Variants in PHF14 observed in about 807,000 individuals in gnomAD.
The protein encoded by PHF14 is PHD finger protein 14.
A neutral mutation model predicts 117.9 loss-of-function variants in PHF14; 55 were observed. The observed-to-expected ratio is 0.47, with a 90% CI of 0.38 to 0.58. The LOEUF (loss-of-function observed/expected upper bound fraction) is 0.58, where lower values mean the gene tolerates loss of function less well. Ranked by LOEUF, PHF14 falls within the 20% of genes least tolerant of loss-of-function variation. PHF14 has a pLI of 0.00. For synonymous variants in PHF14, 409 were observed against 368.6 expected, an observed-to-expected ratio of 1.11 and a Z score of -1.26; for missense variants, 978 against 1,122.2, an observed-to-expected ratio of 0.87 and a Z score of 1.84.
intron 16 of PHF14, among the ~76,000 whole-genome samples, chr7:11,068,055 G>A (rs1028086321): frequency 4.6e-5 from 7 of 152,060 alleles, no homozygotes; most frequent in Non-Finnish European, 1.5e-5. Context: ...GCCTTAAAAA[G>A]GAATGAAATT....
chr7:10,992,393 T>C (rs928241964), intron 4 of PHF14, among the ~76,000 whole-genome samples: 2 of 149,442 alleles, frequency 1.3e-5, no homozygotes, highest in African/African-American at 4.9e-5. Flanking sequence ...CCGGGTGCAG[T>C]GGCTCACGCC....
chr7:10,977,158 G>C (rs1185147422), intron 2 of PHF14, among the ~76,000 whole-genome samples: 5 of 151,868 alleles, frequency 3.3e-5, no homozygotes, highest in African/African-American at 1.2e-4. Flanking sequence ...TAAGACATTA[G>C]TCCTATCACT....
At chr7:11,112,564 G>T (rs1787481533) in intron 17 of PHF14, among the ~76,000 whole-genome samples, 1 of 152,074 alleles carries the variant, frequency 6.6e-6, no homozygotes, top group Non-Finnish European at 1.5e-5. Flanking sequence ...GAGGTCAGGA[G>T]TTCGAGACCA....
chr7:10,985,601 A>G (rs1242031814), intron 3 of PHF14, among the ~76,000 whole-genome samples: 1 of 142,320 alleles, frequency 7.0e-6, no homozygotes, highest in African/African-American at 2.6e-5. Context: ...AACATGCTGC[A>G]GACCCTGAAA....
At chr7:11,068,720 C>T (rs1485715069) in intron 16 of PHF14, among the ~76,000 whole-genome samples, 1 of 152,028 alleles carries the variant, frequency 6.6e-6, no homozygotes, top group Non-Finnish European at 1.5e-5. Flanking sequence ...TTAAAAATAA[C>T]CTGAAGAACA....
chr7:11,047,924 G>A (rs891336498), intron 13 of PHF14, among the ~76,000 whole-genome samples: 1 of 123,074 alleles, frequency 8.1e-6, no homozygotes, highest in African/African-American at 3.1e-5. Flanking sequence ...GGAAGGGAAG[G>A]GAGAGGGAGG....
At chr7:11,127,566 T>C (rs1787963507) in intron 17 of PHF14, among the ~76,000 whole-genome samples, 1 of 152,086 alleles carries the variant, frequency 6.6e-6, no homozygotes, top group South Asian at 2.1e-4. Flanking sequence ...TGTATCATCA[T>C]CTAGTCCTTG....
chr7:11,024,890 T>G (rs1047438821), intron 6 of PHF14, among the ~76,000 whole-genome samples: 1 of 152,216 alleles, frequency 6.6e-6, no homozygotes, highest in Admixed American at 6.5e-5. Flanking sequence ...GTCTGATTAT[T>G]TAAGAAATAC....
Position 10,997,208 on chromosome 7 carries a change from T to C in PHF14, c.1045+6361T>C, listed in dbSNP as rs904066894. Among the ~76,000 whole-genome samples the C allele has an allele frequency of 2.6e-5, 4 of 152,216 alleles. No homozygotes were observed. In the East Asian group the frequency reaches 5.8e-4, roughly 22 times the overall value. ...TTTGTTTCTCTATAGTAGAGTTTAA[T>C]ATCCTCAAGCAGAGCAAAAAGACAT... is the stretch of plus-strand genomic sequence containing the variant. On this transcript the variant is annotated intron_variant, in intron 4 of 17. Transcript: ENST00000634607.
At chr7:11,075,222 G>GGCC (rs1362060898) in intron 16 of PHF14, among the ~76,000 whole-genome samples, 1 of 151,898 alleles carries the variant, frequency 6.6e-6, no homozygotes, top group Non-Finnish European at 1.5e-5. Flanking sequence ...TACAGGTGTG[G>GGCC]GCCACTGCAC....
chr7:11,128,612 C>G (rs796117733), intron 17 of PHF14, among the ~76,000 whole-genome samples: 52 of 151,960 alleles, frequency 3.4e-4, no homozygotes, highest in African/African-American at 1.2e-3. Flanking sequence ...ATAGTATAGA[C>G]ATCAGGGTTT....
chr7:11,167,161 A>C (rs986040868), intron 17 of PHF14, among the ~76,000 whole-genome samples: 1 of 152,164 alleles, frequency 6.6e-6, no homozygotes, highest in Non-Finnish European at 1.5e-5. Context: ...TTAGAGCAGC[A>C]AGGTTGCTAG....
intron 16 of PHF14, chr7:11,103,351 C>G (rs1787154657): frequency 1.1e-6 from 1 of 946,392 alleles, no homozygotes; most frequent in African/African-American, 1.8e-5. Context: ...TTTTCTCAAC[C>G]TTAAATATGA....
chr7:11,046,786 C>T lies in PHF14; in HGVS notation c.2312+3972C>T, dbSNP rs553011069. On this transcript the variant is annotated intron_variant, in intron 13 of 17. Transcript: ENST00000634607. ...TCTGAGAAGAATGATATTTGAGCCA[C>T]CTCTTAAAGTTTTATGTAGGCACCT... 1.1e-4 allele frequency among the ~76,000 whole-genome samples: 16 copies of T among 152,092 alleles called. No homozygotes were observed. The South Asian group carries it at 2.3e-3, about 22-fold the overall frequency.
chr7:11,089,282 T>C (rs1489318798), intron 16 of PHF14, among the ~76,000 whole-genome samples: 1 of 152,254 alleles, frequency 6.6e-6, no homozygotes, highest in East Asian at 1.9e-4. Context: ...AGTTATGCAG[T>C]ATACTAAATA....
intron 4 of PHF14, among the ~76,000 whole-genome samples, chr7:10,995,661 A>G (rs2128311631): frequency 6.6e-6 from 1 of 152,286 alleles, no homozygotes; most frequent in Middle Eastern, 3.4e-3. Flanking sequence ...GGTAAGGCTC[A>G]GGCATGGTGG....
chr7:11,093,180 A>G (rs572798567), intron 16 of PHF14, among the ~76,000 whole-genome samples: 1 of 152,290 alleles, frequency 6.6e-6, no homozygotes, highest in South Asian at 2.1e-4. Context: ...ATTTCTGCTA[A>G]TGATTTCTGG....
At chr7:11,143,498 A>G (rs147835798) in intron 17 of PHF14, among the ~76,000 whole-genome samples, 121 of 152,178 alleles carry the variant, frequency 8.0e-4, no homozygotes, top group Middle Eastern at 6.8e-3. Context: ...GAAATAATAC[A>G]TTTTTGACTG....
intron 16 of PHF14, chr7:11,102,629 C>A: frequency 1.3e-6 from 2 of 1,526,632 alleles, no homozygotes; most frequent in East Asian, 2.4e-5. Context: ...ATTGTCCTTT[C>A]TATAAGCTTG....
Sources: allele counts gnomAD v4.1 joint callset (sites outside exome capture counted in the v4.1 genomes callset), GRCh38; gene constraint gnomAD v4.1.1; transcripts MANE v1.5; gene names NCBI Gene and HGNC (gene_info 2026-07-23, HGNC 2026-07-21).